PHACTR2: variants seen among roughly 807,000 people sequenced by gnomAD.
PHACTR2 encodes chromosome 6 open reading frame 56.
In PHACTR2, 30 loss-of-function variants were observed where a neutral mutation model predicts 76.0. The ratio of observed to expected loss-of-function variants is 0.39; its 90% CI spans 0.30 to 0.54. The LOEUF is 0.54. Among genes scored for constraint, PHACTR2 ranks in the 20% least tolerant of loss-of-function variants. The pLI, the probability that PHACTR2 is intolerant of heterozygous loss-of-function variation, is 0.61. For missense variants in PHACTR2, 696 were observed against 781.1 expected, an observed-to-expected ratio of 0.89 and a Z score of 1.30; for synonymous variants, 292 against 292.5, an observed-to-expected ratio of 1.00 and a Z score of 0.02.
At position 143,827,155 on chromosome 6, in the gene PHACTR2, A is replaced by AAAATAT. The variant is rs1254251707; in HGVS notation, c.*3467_*3468insAATATA. On this transcript the variant is annotated 3_prime_UTR_variant, in exon 13 of 13. Coordinates refer to ENST00000440869, the MANE Select transcript of PHACTR2 (RefSeq NM_001100164.2). ...GGGCTGCGTTGGCATTAAAAAAGAAAATATATATATATATATATATATATA... is the reference window on the plus strand; with the variant it reads ...GGGCTGCGTTGGCATTAAAAAAGAAAAAATATATATATATATATATATATATATATA... The AAAATAT allele has an allele frequency of 4.3e-4, 33 of 77,246 alleles. No individual in the cohort carries two copies. Among genetic ancestry groups the AAAATAT allele is most frequent in the Middle Eastern group, 9.3e-3 (1 of 108 alleles). 4.8% of individuals were successfully genotyped at this position (77,246 alleles called of 1,614,324 possible).
chr6:143,538,952 AACTC>A (rs1283189808), intron 1 of PHACTR2, among the ~76,000 whole-genome samples: 2 of 152,230 alleles, frequency 1.3e-5, no homozygotes, highest in African/African-American at 4.8e-5. Flanking sequence ...GGCCAAACTG[AACTC>A]GAGCCATGGA....
intron 1 of PHACTR2, among the ~76,000 whole-genome samples, chr6:143,582,809 T>G (rs1051997530): frequency 1.3e-5 from 2 of 152,210 alleles, no homozygotes; most frequent in Non-Finnish European, 2.9e-5. Flanking sequence ...TCTTCTAGCA[T>G]TCTGTTTAAG....
chr6:143,657,234 A>G (rs909997381), intron 1 of PHACTR2, among the ~76,000 whole-genome samples: 1 of 147,234 alleles, frequency 6.8e-6, no homozygotes, highest in African/African-American at 2.5e-5. Context: ...CATGTATCCC[A>G]GAATTTAAGT....
At chr6:143,632,759 T>C (rs1776385014) in intron 1 of PHACTR2, among the ~76,000 whole-genome samples, 1 of 152,174 alleles carries the variant, frequency 6.6e-6, no homozygotes. Context: ...GCCCCACCTA[T>C]TCATCCCTTT....
chr6:143,830,057 C>T lies in PHACTR2; in HGVS notation c.*6368C>T, dbSNP rs1776630321. ...TGTCATTATGTTGTTTAGAGAGCCTCCACAATGAGAAGTTGCCACTGCAGG... is the reference window on the plus strand; with the variant it reads ...TGTCATTATGTTGTTTAGAGAGCCTTCACAATGAGAAGTTGCCACTGCAGG... On this transcript the variant is annotated 3_prime_UTR_variant, in exon 13 of 13. Coordinates refer to ENST00000440869, the MANE Select transcript of PHACTR2 (RefSeq NM_001100164.2). 1 of 152,076 alleles carries T rather than the reference C, an allele frequency of 6.6e-6. No homozygotes were observed. The highest frequency in any genetic ancestry group is 2.1e-4 in the South Asian group (1 of 4,820). The allele number at this position is 152,076 out of a possible 1,614,324, so 9.4% of individuals were successfully genotyped here. A position where few individuals can be genotyped will look rare whatever the true frequency, so the allele number is the denominator to read the frequency against.
At position 143,803,142 on chromosome 6, in the gene PHACTR2, T is replaced by C. The variant is rs1411233153; in HGVS notation, c.1846-3915T>C. 6.6e-6 allele frequency among the ~76,000 whole-genome samples: 1 copy of C among 152,202 alleles called. No homozygotes were observed. The highest frequency in any genetic ancestry group is 1.5e-5 in the Non-Finnish European group (1 of 68,030). ...GTGTATGAGCCCCATGTTTGTCATT[T>C]AACCCTCATCCTGTTTAGAGAAAGA... On this transcript the variant is annotated intron_variant, in intron 11 of 12. Transcript: ENST00000440869. This position sits in a 1 kb window ranked among gnomAD's most constrained non-coding sequence, Gnocchi z 4.7.
rs981711763 is a variant in PHACTR2, at chr6:143,618,158, C to T, written c.13+9836C>T. ...CTGGGTCAGAGCCACGATTAGACAT[C>T]GATGCTATATTTGCTGTATCCATGT... On this transcript the variant is annotated intron_variant, in intron 1 of 11. Transcript: ENST00000305766. This position sits in a 1 kb window ranked among gnomAD's most constrained non-coding sequence, Gnocchi z 5.2. Among the ~76,000 whole-genome samples the T allele has an allele frequency of 1.3e-5, 2 of 151,962 alleles. No homozygotes were observed. Among genetic ancestry groups the T allele is most frequent in the Non-Finnish European group, 2.9e-5 (2 of 68,000 alleles).
intron 9 of PHACTR2, among the ~76,000 whole-genome samples, chr6:143,781,499 T>C (rs1287360926): frequency 6.6e-6 from 1 of 152,316 alleles, no homozygotes; most frequent in South Asian, 2.1e-4. Context: ...TTGACAAAAA[T>C]GTTCTCAGAA....
At chr6:143,798,633 A>G (rs910393576) in intron 11 of PHACTR2, among the ~76,000 whole-genome samples, 5 of 152,194 alleles carry the variant, frequency 3.3e-5, no homozygotes, top group African/African-American at 1.2e-4. Context: ...TTCTGCATCT[A>G]TTGAGATAAT....
chr6:143,677,896 A>C (rs1777281372), upstream of PHACTR2: 11 of 83,660 alleles, frequency 1.3e-4, no homozygotes, highest in East Asian at 4.3e-4. Context: ...TCCCCTCCCT[A>C]TCGCCCTCAC....
At chr6:143,667,636 A>G (rs1468500257) in intron 1 of PHACTR2, among the ~76,000 whole-genome samples, 2 of 152,178 alleles carry the variant, frequency 1.3e-5, no homozygotes, top group Non-Finnish European at 2.9e-5. Flanking sequence ...TCTTCGTAGC[A>G]ATTGTGAATG....
rs1372602185 is a variant in PHACTR2, at chr6:143,783,717, A to G, written c.1707+437A>G. 1.3e-5 allele frequency among the ~76,000 whole-genome samples: 2 copies of G among 152,244 alleles called. No homozygotes were observed. The highest frequency in any genetic ancestry group is 2.9e-5 in the Non-Finnish European group (2 of 68,040). On this transcript the variant is annotated intron_variant, in intron 10 of 12. Transcript: ENST00000440869. The surrounding 1 kb of genome is among the most constrained non-coding windows in gnomAD (Gnocchi z 5.2). ...GTTGTGCTAATTTTGAATAATTAAC[A>G]AGGGTTTTAAGTTGCATTTACTCCA...
intron 1 of PHACTR2, among the ~76,000 whole-genome samples, chr6:143,669,299 G>T (rs1262758897): frequency 6.6e-6 from 1 of 152,128 alleles, no homozygotes; most frequent in Non-Finnish European, 1.5e-5. Flanking sequence ...CAATTATGTG[G>T]TCAATTTTAG....
chr6:143,642,688 A>G (rs1258947506), intron 1 of PHACTR2, among the ~76,000 whole-genome samples: 1 of 152,230 alleles, frequency 6.6e-6, no homozygotes, highest in Non-Finnish European at 1.5e-5. Flanking sequence ...TTGGACACAG[A>G]GATACCCACA....
rs1777468996 is a variant in PHACTR2 at position 143,684,492 on chromosome 6, T to A, written c.46+6283T>A. Among the ~76,000 whole-genome samples, 2 of 152,232 alleles carry A rather than the reference T, an allele frequency of 1.3e-5. No individual in the cohort carries two copies. The highest frequency in any genetic ancestry group is 2.9e-5 in the Non-Finnish European group (2 of 68,042). Reference sequence around the variant, plus strand: ...TGAGGCCATCCATTACATGGACAACTATAAACTACATGTCCTAATGACATA... The same window carrying A: ...TGAGGCCATCCATTACATGGACAACAATAAACTACATGTCCTAATGACATA... On this transcript the variant is annotated intron_variant, in intron 1 of 12. Transcript: ENST00000440869. The surrounding 1 kb of genome is among the most constrained non-coding windows in gnomAD (Gnocchi z 4.3).
intron 1 of PHACTR2, among the ~76,000 whole-genome samples, chr6:143,590,300 G>A (rs1582687125): frequency 6.6e-6 from 1 of 152,046 alleles, no homozygotes; most frequent in East Asian, 1.9e-4. Context: ...TGAAGATGGA[G>A]GACCCACATT....
At chr6:143,632,272 A>G (rs539055969) in intron 1 of PHACTR2, among the ~76,000 whole-genome samples, 3 of 152,250 alleles carry the variant, frequency 2.0e-5, no homozygotes, top group African/African-American at 4.8e-5. Flanking sequence ...GACTGCTTCT[A>G]TTTGGGGAAG....
rs544686979 is a variant in PHACTR2, at chr6:143,600,993, C to A, written c.217+63786C>A. Among the ~76,000 whole-genome samples, 13 of 152,320 alleles carry A rather than the reference C, an allele frequency of 8.5e-5. No individual in the cohort carries two copies. The South Asian group carries it at 2.7e-3, about 32-fold the overall frequency. On this transcript the variant is annotated intron_variant, in intron 1 of 11. Transcript: ENST00000367584. ...GAAAGACCTGAGTTTGAATCCAGAT[C>A]TATCATTTGTGCATCTTGAGGCACA... is the stretch of plus-strand genomic sequence containing the variant.
rs1302057081 is a variant in PHACTR2, at chr6:143,689,454, G to C, written c.46+11245G>C. The stretch of plus-strand genomic sequence containing the variant: ...TAGTGGGAACTGAGTAGAAAGTTCA[G>C]GGGCATCTAAGAAATGTGGAGTTGT... On this transcript the variant is annotated intron_variant, in intron 1 of 12. Coordinates refer to ENST00000440869, the MANE Select transcript of PHACTR2 (RefSeq NM_001100164.2). The surrounding 1 kb of genome is among the most constrained non-coding windows in gnomAD (Gnocchi z 4.4). Among the ~76,000 whole-genome samples the C allele has an allele frequency of 6.6e-6, 1 of 152,158 alleles. No homozygotes were observed. Among genetic ancestry groups the C allele is most frequent in the Non-Finnish European group, 1.5e-5 (1 of 68,030 alleles).
Sources: allele counts gnomAD v4.1 joint callset (sites outside exome capture counted in the v4.1 genomes callset), GRCh38; gene constraint gnomAD v4.1.1; non-coding constraint Gnocchi (gnomAD v3.1); transcripts MANE v1.5; gene names NCBI Gene and HGNC (gene_info 2026-07-23, HGNC 2026-07-21).